The following MTR variants were observed in gnomAD, a reference collection of about 807,000 sequenced individuals.
MTR encodes the protein methionine synthase.
MTR carries 84 observed loss-of-function variants against 154.8 expected under a neutral mutation model. The observed-to-expected ratio is 0.54, with a 90% CI of 0.45 to 0.65. The LOEUF (loss-of-function observed/expected upper bound fraction) is 0.65, where lower values mean the gene tolerates loss of function less well. Among genes scored for constraint, MTR ranks in the 30% least tolerant of loss-of-function variants. MTR has a pLI of 0.00. For missense variants in MTR, 1,275 were observed against 1,570.2 expected (o/e 0.81, Z 3.18); for synonymous variants, 554 against 553.9 (o/e 1.00, Z 0.00).
rs760793648 is a variant in MTR at position 236,895,504 on chromosome 1, C to G, written c.3552C>G (p.Thr1184=). The G allele has an allele frequency of 1.3e-6, 2 of 1,593,792 alleles. No homozygotes were observed. The highest frequency in any genetic ancestry group is 1.7e-6 in the Non-Finnish European group (2 of 1,169,406). ...APGYPSQPDH[T]EKLTMWRLAD... ...GCTACCCCAGCCAGCCCGACCACAC[C>G]GAGAAGCTCACCATGTGGAGACTCG... Residue 1184 remains threonine (T), a synonymous_variant, in exon 31 of 33, where the codon ACC becomes ACG. Coordinates refer to ENST00000366577, the MANE Select transcript of MTR (RefSeq NM_000254.3).
rs143796555 is a variant in MTR, at chr1:236,885,645, A to C, written c.2775+426A>C. On this transcript the variant is annotated intron_variant, in intron 26 of 32. Coordinates refer to ENST00000366577, the MANE Select transcript of MTR (RefSeq NM_000254.3). ...GTATAAGCCTTTTGCCTGACTGCCCAACACTGACTGTGCAGAATGATGTTT... is the reference window on the plus strand; with the variant it reads ...GTATAAGCCTTTTGCCTGACTGCCCCACACTGACTGTGCAGAATGATGTTT... Among the ~76,000 whole-genome samples the C allele has an allele frequency of 2.5e-3, 382 of 152,310 alleles. 4 individuals are homozygous for C. Among genetic ancestry groups the C allele is most frequent in the African/African-American group, 8.2e-3 (339 of 41,570 alleles).
chr1:236,808,434 T>C (rs948553921), intron 3 of MTR, among the ~76,000 whole-genome samples: 5 of 152,202 alleles, frequency 3.3e-5, no homozygotes, highest in African/African-American at 1.2e-4. Flanking sequence ...TTCTCTGACA[T>C]GCTAGATGTC....
intron 25 of MTR, among the ~76,000 whole-genome samples, chr1:236,883,460 G>C (rs952143337): frequency 6.6e-6 from 1 of 152,168 alleles, no homozygotes; most frequent in African/African-American, 2.4e-5. Context: ...TCAGGGGGTC[G>C]TAGATTCTCT....
At chr1:236,850,648 G>A in intron 16 of MTR, 125 bp downstream of exon 16, 1 of 984,494 alleles carries the variant, frequency 1.0e-6, no homozygotes. Context: ...TTAGTAAATT[G>A]TTTTTCTGAA....
At chr1:236,821,840 G>A (rs1307350354) in intron 8 of MTR, among the ~76,000 whole-genome samples, 1 of 152,142 alleles carries the variant, frequency 6.6e-6, no homozygotes, top group Non-Finnish European at 1.5e-5. Flanking sequence ...TGGATTGCCT[G>A]TGTTTCTGTC....
rs188989329 is a variant in MTR, at chr1:236,801,611, T to C, written c.35-1817T>C. On this transcript the variant is annotated intron_variant, in intron 1 of 32. Transcript: ENST00000366577. Reference sequence around the variant, plus strand: ...TTTCTCATCTTCCCTCACTTTTTTGTCATTTCAATTAAAGAAATATTTGCC... The same window carrying C: ...TTTCTCATCTTCCCTCACTTTTTTGCCATTTCAATTAAAGAAATATTTGCC... Among the ~76,000 whole-genome samples the C allele has an allele frequency of 2.0e-5, 3 of 152,366 alleles. No individual in the cohort carries two copies. In the East Asian group the frequency reaches 5.8e-4, roughly 29 times the overall value.
intron 29 of MTR, among the ~76,000 whole-genome samples, chr1:236,893,252 T>C (rs1257617425): frequency 1.3e-5 from 2 of 152,212 alleles, no homozygotes; most frequent in East Asian, 1.9e-4. Flanking sequence ...GTGACATTCC[T>C]GTGTGCCATT....
chr1:236,847,431 T>C (rs1236969636), intron 15 of MTR, among the ~76,000 whole-genome samples: 1 of 152,250 alleles, frequency 6.6e-6, no homozygotes, highest in African/African-American at 2.4e-5. Context: ...ATTGCATTAC[T>C]GCCTGAGTGT....
chr1:236,878,226 T>A (rs978500092), intron 24 of MTR, among the ~76,000 whole-genome samples: 1 of 152,230 alleles, frequency 6.6e-6, no homozygotes, highest in Admixed American at 6.5e-5. Context: ...TAATGCCTTT[T>A]GCATCCAAAT....
Position 236,850,501 on chromosome 1 carries a change from T to C in MTR, c.1673T>C (p.Ile558Thr). 1 of 1,613,754 alleles carries C rather than the reference T, an allele frequency of 6.2e-7. No homozygotes were observed. The change falls in exon 16 of 33, where the codon ATC becomes ACC. Residue 558 changes from isoleucine to threonine, a missense_variant. Ile to Thr is a moderately conservative substitution (Grantham distance 89). Coordinates refer to ENST00000366577, the MANE Select transcript of MTR (RefSeq NM_000254.3). ...CACAACTTGTATGCCATTAATTTTA[T>C]CCATGCAACAAAAGTCATTAAAGTA... ...EEHNLYAINF[I>T]HATKVIKETL...
At chr1:236,850,320 T>G (rs761445342) in intron 15 of MTR, 24 bp from the exon 16 acceptor site, 1 of 1,585,894 alleles carries the variant, frequency 6.3e-7, no homozygotes. Context: ...TATTTCAAAC[T>G]ACATCTTTTG....
At chr1:236,851,489 T>C (rs7519180) in intron 16 of MTR, among the ~76,000 whole-genome samples, 2,721 of 152,328 alleles carry the variant, frequency 0.018, 98 homozygotes, top group African/African-American at 0.062. Flanking sequence ...TCAGTCTTAA[T>C]GAATCAACAG....
chr1:236,820,628 G>T, intron 8 of MTR: 1 of 537,384 alleles, frequency 1.9e-6, no homozygotes, highest in South Asian at 2.2e-5. Flanking sequence ...TTCATGGCAG[G>T]TTTTTGTGTA....
intron 24 of MTR, among the ~76,000 whole-genome samples, chr1:236,878,576 A>T (rs1665558941): frequency 6.6e-6 from 1 of 152,186 alleles, no homozygotes; most frequent in Non-Finnish European, 1.5e-5. Flanking sequence ...TTCAGGCCAC[A>T]CATAAAATAC....
intron 8 of MTR, among the ~76,000 whole-genome samples, chr1:236,823,735 TGTTCTTTCTGC>T (rs1488002332): frequency 6.6e-6 from 1 of 151,260 alleles, no homozygotes; most frequent in African/African-American, 2.4e-5. Flanking sequence ...CACCATTCTG[TGTTCTTTCTGC>T]CTCCAAGATT....
intron 1 of MTR, among the ~76,000 whole-genome samples, chr1:236,799,321 A>T (rs1461841075): frequency 1.3e-5 from 2 of 149,868 alleles, no homozygotes; most frequent in Non-Finnish European, 3.0e-5. Context: ...AGATGAGGCC[A>T]CTGTGTTGCC....
chr1:236,802,603 GC>G (rs1660756743), intron 1 of MTR, among the ~76,000 whole-genome samples: 1 of 151,994 alleles, frequency 6.6e-6, no homozygotes, highest in Non-Finnish European at 1.5e-5. Flanking sequence ...AGTTTGAGGA[GC>G]CTCCAACAGA....
chr1:236,855,706 A>C (rs761408774), intron 18 of MTR, among the ~76,000 whole-genome samples: 2 of 152,234 alleles, frequency 1.3e-5, no homozygotes, highest in Non-Finnish European at 2.9e-5. Flanking sequence ...GGGAAGAAGT[A>C]GTTTTTCTCA....
In MTR at chr1:236,795,480, G is replaced by C. The variant is rs1234117384; in HGVS notation, c.-224G>C. ...CCGGGTACCCGGGAAGAAAGCACGT[G>C]CTCCAGCAGTTGCCGCGCCCAGCCC... On this transcript the variant is annotated 5_prime_UTR_variant, in exon 1 of 33. Coordinates refer to ENST00000366577, the MANE Select transcript of MTR (RefSeq NM_000254.3). The C allele has an allele frequency of 5.3e-6, 8 of 1,513,146 alleles. No individual in the cohort carries two copies. The highest frequency in any genetic ancestry group is 2.0e-5 in the Admixed American group (1 of 50,204). 93.7% of individuals were successfully genotyped at this position (1,513,146 alleles called of 1,614,324 possible).
Sources: allele counts gnomAD v4.1 joint callset (sites outside exome capture counted in the v4.1 genomes callset), GRCh38; gene constraint gnomAD v4.1.1; transcripts MANE v1.5; gene names NCBI Gene and HGNC (gene_info 2026-07-23, HGNC 2026-07-21).